TUBGCP2: variants seen among roughly 807,000 people sequenced by gnomAD.
TUBGCP2 encodes the protein gamma-tubulin complex component 2.
In TUBGCP2, 55 loss-of-function variants were observed where a neutral mutation model predicts 92.2. That is an observed-to-expected ratio of 0.60 (90% CI 0.48 to 0.75). The LOEUF (loss-of-function observed/expected upper bound fraction) is 0.75, where lower values mean the gene tolerates loss of function less well. Among genes scored for constraint, TUBGCP2 ranks in the 30% least tolerant of loss-of-function variants. TUBGCP2 has a pLI of 0.00. For missense variants in TUBGCP2, 1,093 were observed against 1,188.9 expected, an observed-to-expected ratio of 0.92 and a Z score of 1.19; for synonymous variants, 533 against 505.2, an observed-to-expected ratio of 1.06 and a Z score of -0.74.
intron 5 of TUBGCP2, chr10:133,295,040 C>A (rs1847457357): frequency 6.6e-6 from 1 of 152,236 alleles, no homozygotes; most frequent in Non-Finnish European, 1.5e-5. Flanking sequence ...CATTCATCCA[C>A]AGCCACGAAG....
intron 4 of TUBGCP2, among the ~76,000 whole-genome samples, chr10:133,298,399 G>A (rs547587209): frequency 2.6e-5 from 4 of 152,344 alleles, no homozygotes; most frequent in South Asian, 2.1e-4. Flanking sequence ...TGGGAACCAC[G>A]GGAGAGGGTG....
Position 133,281,292 on chromosome 10 carries a change from T to C in TUBGCP2, c.2554A>G (p.Met852Val). 6.2e-7 allele frequency: 1 copy of C among 1,612,066 alleles called. No homozygotes were observed. The highest frequency in any genetic ancestry group is 1.7e-5 in the Admixed American group (1 of 60,008). The change falls in exon 17 of 18, where the codon ATG (methionine) becomes GTG (valine). Residue 852 changes from methionine to valine, a missense_variant. Physicochemically the swap from Met to Val is conservative, Grantham distance 21. Around this residue, in one of 3 missense-constraint regions of TUBGCP2, gnomAD observed 598 missense variants for 675.5 expected, o/e 0.89. Transcript: ENST00000252936. ...IYSTSDCEHG[M>V]ASVISRLDFN... Reference sequence around the variant, plus strand: ...ACCCACCTGGAGATGACGCTGGCCATGCCGTGCTCACAGTCACTGGTGCTA... The same window carrying C: ...ACCCACCTGGAGATGACGCTGGCCACGCCGTGCTCACAGTCACTGGTGCTA...
chr10:133,286,561 G>C (rs1187006007), intron 11 of TUBGCP2, among the ~76,000 whole-genome samples: 1 of 152,012 alleles, frequency 6.6e-6, no homozygotes, highest in Non-Finnish European at 1.5e-5. Context: ...CAACAGCACC[G>C]AGGGCGCGTC....
intron 2 of TUBGCP2, 60 bp downstream of exon 2, chr10:133,302,732 C>A: frequency 6.2e-7 from 1 of 1,600,512 alleles, no homozygotes; most frequent in Non-Finnish European, 8.5e-7. Flanking sequence ...TCACCCTGCA[C>A]CACCCTGACC....
intron 3 of TUBGCP2, 43 bp downstream of exon 3, chr10:133,299,942 T>C (rs777333539): frequency 1.2e-6 from 2 of 1,602,196 alleles, no homozygotes; most frequent in Admixed American, 3.4e-5. Flanking sequence ...ACTCCCAACA[T>C]GGGCCGTACG....
chr10:133,289,817 G>GCCGCGGACGCCAAGTCCCTGCCCGCTGCA lies in TUBGCP2; in HGVS notation c.1360+6_1360+7insTGCAGCGGGCAGGGACTTGGCGTCCGCGG, dbSNP rs754429353. On this transcript the variant is annotated splice_region_variant and intron_variant, in intron 9 of 17. Transcript: ENST00000252936. The stretch of plus-strand genomic sequence containing the variant: ...CGCACCCCAAGTCCCCGCCCGCTGC[G>GCCGCGGACGCCAAGTCCCTGCCCGCTGCA]CCGCACCTGTGCTGAGGATCTTGTC... 1.1e-5 allele frequency: 18 copies of GCCGCGGACGCCAAGTCCCTGCCCGCTGCA among 1,614,048 alleles called. No individual in the cohort carries two copies. Among genetic ancestry groups the GCCGCGGACGCCAAGTCCCTGCCCGCTGCA allele is most frequent in the South Asian group, 3.3e-5 (3 of 91,080 alleles).
chr10:133,281,662 T>C, intron 16 of TUBGCP2: 1 of 601,564 alleles, frequency 1.7e-6, no homozygotes, highest in Non-Finnish European at 2.8e-6. Context: ...GATGAGGTGG[T>C]CACTCTCCTT....
chr10:133,311,704 C>A, upstream of TUBGCP2: 1 of 1,609,564 alleles, frequency 6.2e-7, no homozygotes, highest in South Asian at 1.1e-5. Flanking sequence ...ACTCACTGCT[C>A]TCTCCCCGCA....
chr10:133,284,146 C>CTTGCTCTGCAG, intron 13 of TUBGCP2, 144 bp from the exon 14 acceptor site: 1 of 1,308,142 alleles, frequency 7.6e-7, no homozygotes, highest in Non-Finnish European at 1.0e-6. Flanking sequence ...CCCCTCCCAG[C>CTTGCTCTGCAG]ACACCAGACA....
At position 133,281,456 on chromosome 10, in the gene TUBGCP2, G is replaced by T; in HGVS notation, c.2410-20C>A. 6.2e-7 allele frequency: 1 copy of T among 1,608,016 alleles called. No homozygotes were observed. Among genetic ancestry groups the T allele is most frequent in the Non-Finnish European group, 8.5e-7 (1 of 1,178,666 alleles). On this transcript the variant is annotated intron_variant, in intron 16 of 17. Coordinates refer to ENST00000252936, the MANE Select transcript of TUBGCP2 (RefSeq NM_006659.4). ...CAGGTGCTGGAAAGAAAGCCGGGGT[G>T]CGTGAGCCATGCCCACCCCCACCGT...
chr10:133,288,210 C>G lies in TUBGCP2; in HGVS notation c.1641G>C (p.Thr547=). The G allele has an allele frequency of 6.2e-7, 1 of 1,613,888 alleles. No homozygotes were observed. Among genetic ancestry groups the G allele is most frequent in the Non-Finnish European group, 8.5e-7 (1 of 1,179,948 alleles). The change falls in exon 11 of 18, where the codon ACG becomes ACC. Residue 547 remains threonine, a synonymous_variant. Coordinates refer to ENST00000252936, the MANE Select transcript of TUBGCP2 (RefSeq NM_006659.4). ...CCAGGAGCGCTTCCAGGCGAGGGGG[C>G]GTGATGTCCTCCACCGGCTTCCGGA... is the stretch of plus-strand genomic sequence containing the variant. ...EELRKPVEDI[T]PPRLEALLEL... is the part of the protein sequence containing the mutation.
At chr10:133,309,325 G>T (rs1022113674), upstream of TUBGCP2, 2 of 1,560,268 alleles carry the variant, frequency 1.3e-6, no homozygotes, top group Non-Finnish European at 1.7e-6. Context: ...GGGTGTGGGC[G>T]AGGCCTGACG....
intron 15 of TUBGCP2, 60 bp downstream of exon 15, chr10:133,283,018 C>A: frequency 1.9e-6 from 3 of 1,598,592 alleles, no homozygotes; most frequent in South Asian, 2.2e-5. Flanking sequence ...CGGCCACGGT[C>A]GGGACATGGT....
At chr10:133,297,801 C>T in intron 5 of TUBGCP2, 151 bp downstream of exon 5, 2 of 1,196,590 alleles carry the variant, frequency 1.7e-6, no homozygotes, top group Non-Finnish European at 2.3e-6. Context: ...GCCTCACAAC[C>T]TGAGGAAAGG....
intron 5 of TUBGCP2, among the ~76,000 whole-genome samples, chr10:133,294,174 G>A (rs543869034): frequency 2.0e-4 from 30 of 152,348 alleles, no homozygotes; most frequent in East Asian, 1.2e-3. Context: ...TCACTTAAAC[G>A]TTAAGAAACT....
intron 14 of TUBGCP2, 83 bp downstream of exon 14, chr10:133,283,799 C>T (rs573467073): frequency 3.9e-5 from 62 of 1,570,484 alleles, no homozygotes; most frequent in Non-Finnish European, 4.9e-5. Flanking sequence ...CCTCTCCCCT[C>T]GCCCTGCCTC....
intron 8 of TUBGCP2, chr10:133,290,542 C>G (rs928250735): frequency 6.6e-6 from 1 of 152,284 alleles, no homozygotes; most frequent in Admixed American, 6.5e-5. Flanking sequence ...CTACAAACCT[C>G]GCTCTGGAAC....
rs1186371983 is a variant in TUBGCP2, at chr10:133,282,250, C to T, written c.2382G>A (p.Glu794=). 2 of 1,611,892 alleles carry T rather than the reference C, an allele frequency of 1.2e-6. No individual in the cohort carries two copies. Among genetic ancestry groups the T allele is most frequent in the Non-Finnish European group, 1.7e-6 (2 of 1,179,420 alleles). The change falls in exon 16 of 18, where the codon GAG becomes GAA. Residue 794 remains glutamate (E), a synonymous_variant. Coordinates refer to ENST00000252936, the MANE Select transcript of TUBGCP2 (RefSeq NM_006659.4). ...TCCTGGCGAGCTCCTTCCGGGCCCGCTCCTCGGCCCCTGCGGGCAGCCCCA... is the reference window on the plus strand; with the variant it reads ...TCCTGGCGAGCTCCTTCCGGGCCCGTTCCTCGGCCCCTGCGGGCAGCCCCA... ...TVLGLPAGAE[E]RARKELARKH... is the part of the protein sequence containing the mutation.
At chr10:133,297,725 C>T (rs539357867) in intron 5 of TUBGCP2, among the ~76,000 whole-genome samples, 3 of 152,360 alleles carry the variant, frequency 2.0e-5, no homozygotes, top group East Asian at 1.9e-4. Flanking sequence ...CTCAAGGACC[C>T]GGGTGAGCCG....
Sources: gnomAD v4.1 joint callset for allele counts (sites outside exome capture counted in the v4.1 genomes callset) on GRCh38, gnomAD v4.1.1 for gene constraint, gnomAD v4.1.1 regional missense constraint, MANE v1.5 for transcripts, NCBI Gene and HGNC (gene_info 2026-07-23, HGNC 2026-07-21) for gene names.